AFTPH: variants seen among roughly 807,000 people sequenced by gnomAD.
The protein encoded by AFTPH is aftiphilin, also known as aftiphilin protein.
Under a neutral mutation model 72.5 loss-of-function variants are expected in AFTPH, and 7 were observed. The ratio of observed to expected loss-of-function variants is 0.10; its 90% CI spans 0.05 to 0.18. The LOEUF (loss-of-function observed/expected upper bound fraction) is 0.18, where lower values mean the gene tolerates loss of function less well. AFTPH is among the 10% of genes least tolerant of loss of function. AFTPH has a pLI of 1.00. For missense variants in AFTPH, 979 were observed against 1,060.5 expected, an observed-to-expected ratio of 0.92 and a Z score of 1.07; for synonymous variants, 337 against 370.1, an observed-to-expected ratio of 0.91 and a Z score of 1.03.
Position 64,592,010 on chromosome 2 carries a change from G to A in AFTPH, c.2705G>A (p.Ser902Asn), listed in dbSNP as rs1042706758. Residue 902 changes from serine to asparagine, a missense_variant, in exon 9 of 9, where the codon AGC (serine) becomes AAC (asparagine). By Grantham distance (46) the Ser-to-Asn change is conservative. This residue lies in a region of AFTPH where 438 missense variants were observed against 530.0 expected (regional missense o/e 0.83). Coordinates refer to ENST00000238856, the Ensembl canonical transcript of AFTPH. Reference sequence around the variant, plus strand: ...CCAGCCACGTTAACACCTTCCACAAGCTCTCAAGAAAAAGCAGACGGATAA... The same window carrying A: ...CCAGCCACGTTAACACCTTCCACAAACTCTCAAGAAAAAGCAGACGGATAA... 5.6e-6 allele frequency: 9 copies of A among 1,612,630 alleles called. No homozygotes were observed. The highest frequency in any genetic ancestry group is 7.6e-6 in the Non-Finnish European group (9 of 1,179,794).
intron 6 of AFTPH, among the ~76,000 whole-genome samples, chr2:64,575,026 T>G (rs2104118462): frequency 6.6e-6 from 1 of 152,320 alleles, no homozygotes; most frequent in South Asian, 2.1e-4. Context: ...TTGAGACCAT[T>G]TGTTGCTAGT....
chr2:64,541,102 T>G (rs1670224810), intron 1 of AFTPH, among the ~76,000 whole-genome samples: 1 of 152,122 alleles, frequency 6.6e-6, no homozygotes, highest in South Asian at 2.1e-4. Context: ...AGCTTTTATT[T>G]CTTCATCTTT....
chr2:64,571,792 A>G (rs1321452080), intron 5 of AFTPH, among the ~76,000 whole-genome samples: 3 of 152,212 alleles, frequency 2.0e-5, no homozygotes, highest in Non-Finnish European at 4.4e-5. Flanking sequence ...ATTTTAAAAC[A>G]TGTAACAGTT....
At chr2:64,524,652 AAG>A (rs1669135318) in intron 1 of AFTPH, 40 bp downstream of exon 1, 1 of 396,144 alleles carries the variant, frequency 2.5e-6, no homozygotes, top group Non-Finnish European at 4.4e-6. Flanking sequence ...GCGCCGGGGA[AAG>A]AGGGTGCGGG....
intron 3 of AFTPH, among the ~76,000 whole-genome samples, chr2:64,567,964 G>T (rs1019871561): frequency 3.3e-5 from 5 of 151,716 alleles, no homozygotes; most frequent in Non-Finnish European, 5.9e-5. Flanking sequence ...AAGAATCGCT[G>T]GAACCCAGAA....
At position 64,552,602 on chromosome 2, in the gene AFTPH, T is replaced by C. The variant is rs776083525; in HGVS notation, c.1128T>C (p.Ser376=). The C allele has an allele frequency of 4.3e-6, 7 of 1,614,042 alleles. No homozygotes were observed. The East Asian group carries it at 8.9e-5, about 21-fold the overall frequency. The change falls in exon 2 of 9, where the codon TCT becomes TCC. Residue 376 remains serine, a synonymous_variant. Coordinates refer to ENST00000238856, the Ensembl canonical transcript of AFTPH. ...TATGCATGGATTCTGTTAAAACTTC[T>C]GATGATGAAGTTGGTTCTCCCAAAG...
chr2:64,581,530 A>G (rs1673196823), intron 7 of AFTPH, among the ~76,000 whole-genome samples: 2 of 152,232 alleles, frequency 1.3e-5, no homozygotes, highest in Non-Finnish European at 2.9e-5. Context: ...TAGACAGTTA[A>G]AGGCAGGGCT....
At chr2:64,575,608 C>A (rs1430894008) in intron 6 of AFTPH, among the ~76,000 whole-genome samples, 2 of 151,768 alleles carry the variant, frequency 1.3e-5, no homozygotes, top group South Asian at 2.1e-4. Flanking sequence ...CAGAGTAAAA[C>A]CCTGCCTCGA....
At chr2:64,572,346 G>A (rs1002253834) in intron 5 of AFTPH, among the ~76,000 whole-genome samples, 6 of 152,102 alleles carry the variant, frequency 3.9e-5, no homozygotes, top group African/African-American at 1.4e-4. Context: ...CTCCAGTGCT[G>A]TCATAGAGAT....
chr2:64,549,377 GT>G (rs1670890219), intron 1 of AFTPH, among the ~76,000 whole-genome samples: 1 of 121,702 alleles, frequency 8.2e-6, no homozygotes, highest in African/African-American at 3.1e-5. Flanking sequence ...CTGGAGTGCT[GT>G]GGCACGATCT....
intron 1 of AFTPH, among the ~76,000 whole-genome samples, chr2:64,537,299 G>A (rs565256117): frequency 9.9e-5 from 15 of 152,234 alleles, no homozygotes; most frequent in Non-Finnish European, 1.5e-4. Flanking sequence ...AGAGGGTGAG[G>A]ATGGAAAAAC....
chr2:64,532,988 A>G (rs1434688669), intron 1 of AFTPH, among the ~76,000 whole-genome samples: 2 of 152,212 alleles, frequency 1.3e-5, no homozygotes, highest in Non-Finnish European at 2.9e-5. Flanking sequence ...ATCTTACGTA[A>G]TGCTTATTTG....
intron 6 of AFTPH, among the ~76,000 whole-genome samples, chr2:64,576,473 GT>G (rs1179280916): frequency 1.3e-5 from 2 of 152,110 alleles, no homozygotes; most frequent in Non-Finnish European, 2.9e-5. Flanking sequence ...TATTAACTTA[GT>G]TTAAGGGTGA....
At chr2:64,589,733 A>C (rs1291096906) in intron 8 of AFTPH, among the ~76,000 whole-genome samples, 1 of 152,176 alleles carries the variant, frequency 6.6e-6, no homozygotes, top group East Asian at 1.9e-4. Flanking sequence ...ACTGCACTCC[A>C]CAAATGGGAA....
At chr2:64,558,981 G>T (rs1423603506) in intron 2 of AFTPH, among the ~76,000 whole-genome samples, 1 of 152,134 alleles carries the variant, frequency 6.6e-6, no homozygotes, top group Non-Finnish European at 1.5e-5. Context: ...AAAAACCCAG[G>T]TGGACATACG....
At chr2:64,546,808 G>A (rs2103899370) in intron 1 of AFTPH, among the ~76,000 whole-genome samples, 1 of 151,668 alleles carries the variant, frequency 6.6e-6, no homozygotes, top group South Asian at 2.1e-4. Flanking sequence ...GCCAAGGCGG[G>A]CAGATCACGA....
At chr2:64,573,009 A>G in exon 6 of AFTPH, 1 of 1,614,122 alleles carries the variant, frequency 6.2e-7, no homozygotes, top group Admixed American at 1.7e-5. Flanking sequence ...AATAGCTTCC[A>G]TCGGTCAGAC....
At chr2:64,575,617 GA>G (rs1013071862) in intron 6 of AFTPH, among the ~76,000 whole-genome samples, 3 of 148,436 alleles carry the variant, frequency 2.0e-5, no homozygotes, top group East Asian at 2.0e-4. Context: ...ACCCTGCCTC[GA>G]AAAAAAAAAT....
At chr2:64,550,578 A>G (rs1331868061) in intron 1 of AFTPH, among the ~76,000 whole-genome samples, 3 of 151,858 alleles carry the variant, frequency 2.0e-5, no homozygotes, top group African/African-American at 7.3e-5. Flanking sequence ...AAGAGGTAAC[A>G]TGAGGGAGTT....
Sources: allele counts gnomAD v4.1 joint callset (sites outside exome capture counted in the v4.1 genomes callset), GRCh38; gene constraint gnomAD v4.1.1; regional missense constraint gnomAD v4.1.1; transcripts MANE v1.5; gene names NCBI Gene and HGNC (gene_info 2026-07-23, HGNC 2026-07-21).